The following LOXL2 variants were observed in gnomAD, a reference collection of about 807,000 sequenced individuals.
LOXL2 encodes lysyl oxidase like 2.
In LOXL2, 70 loss-of-function variants were observed where a neutral mutation model predicts 93.0. The observed-to-expected ratio is 0.75, with a 90% CI of 0.62 to 0.92. The LOEUF (loss-of-function observed/expected upper bound fraction) is 0.92. Ranked by LOEUF, LOXL2 falls within the 40% of genes least tolerant of loss-of-function variation. The pLI, the probability that LOXL2 is intolerant of heterozygous loss-of-function variation, is 0.00. For synonymous variants in LOXL2, 438 were observed against 413.2 expected (o/e 1.06, Z -0.73); for missense variants, 973 against 1,054.9 (o/e 0.92, Z 1.08).
At position 23,353,027 on chromosome 8, in the gene LOXL2, G is replaced by A. The variant is rs532825855; in HGVS notation, c.531+7063C>T. Among the ~76,000 whole-genome samples, 3 of 149,344 alleles carry A rather than the reference G, an allele frequency of 2.0e-5. No individual in the cohort carries two copies. The East Asian group carries it at 6.0e-4, about 30-fold the overall frequency. ...GGGGTGGGGAGGGGTGGAGTGGGGTGGGGTGAGGTGGGGAGGGATGGGGTG... is the reference window on the plus strand; with the variant it reads ...GGGGTGGGGAGGGGTGGAGTGGGGTAGGGTGAGGTGGGGAGGGATGGGGTG... On this transcript the variant is annotated intron_variant, in intron 3 of 13. Transcript: ENST00000389131.
chr8:23,349,313 T>C (rs1286542849), intron 3 of LOXL2, among the ~76,000 whole-genome samples: 3 of 152,210 alleles, frequency 2.0e-5, no homozygotes, highest in Non-Finnish European at 4.4e-5. Flanking sequence ...CAGATCTTCC[T>C]GGTGGTGCCT....
Position 23,304,296 on chromosome 8 carries a change from T to G in LOXL2, c.1881-899A>C, listed in dbSNP as rs969056876. Among the ~76,000 whole-genome samples, 15 of 152,342 alleles carry G rather than the reference T, an allele frequency of 9.8e-5. 1 individual carries two copies. The highest frequency in any genetic ancestry group is 3.6e-4 in the African/African-American group (15 of 41,586). ...TGCAGAGTCTTGGAACACATGCGCT[T>G]GGTTTAGAATAGCCCTTGTTTCAGA... On this transcript the variant is annotated intron_variant, in intron 10 of 13. Coordinates refer to ENST00000389131, the MANE Select transcript of LOXL2 (RefSeq NM_002318.3).
At chr8:23,343,379 A>T (rs1803917353) in intron 3 of LOXL2, among the ~76,000 whole-genome samples, 1 of 152,168 alleles carries the variant, frequency 6.6e-6, no homozygotes, top group Non-Finnish European at 1.5e-5. Context: ...AGCTGACTCC[A>T]GTTCCCTCCC....
At chr8:23,319,812 G>A (rs766077045) in intron 8 of LOXL2, 73 bp downstream of exon 8, 100 of 1,498,410 alleles carry the variant, frequency 6.7e-5, no homozygotes, top group Non-Finnish European at 9.0e-5. Context: ...CGTGGGAGAG[G>A]GGGGCTGACT....
chr8:23,393,686 C>T (rs966250230), intron 1 of LOXL2, among the ~76,000 whole-genome samples: 9 of 151,896 alleles, frequency 5.9e-5, no homozygotes, highest in South Asian at 4.1e-4. Context: ...GGAAAATATA[C>T]GTAAATTAAA....
At chr8:23,402,049 T>C (rs1015386279) in intron 1 of LOXL2, among the ~76,000 whole-genome samples, 1 of 151,222 alleles carries the variant, frequency 6.6e-6, no homozygotes, top group African/African-American at 2.4e-5. Flanking sequence ...TGCACACACA[T>C]ACACACAAGT....
At chr8:23,308,986 A>ATT (rs763862653) in intron 10 of LOXL2, among the ~76,000 whole-genome samples, 1 of 141,750 alleles carries the variant, frequency 7.1e-6, no homozygotes, top group Admixed American at 6.8e-5. Flanking sequence ...ATATATATAT[A>ATT]TATATTTTTT....
intron 1 of LOXL2, among the ~76,000 whole-genome samples, chr8:23,394,263 C>T (rs746329833): frequency 4.6e-5 from 7 of 151,762 alleles, no homozygotes; most frequent in South Asian, 2.1e-4. Flanking sequence ...TACGGTAGCG[C>T]GTGCCTGTAG....
intron 3 of LOXL2, among the ~76,000 whole-genome samples, chr8:23,343,653 T>C (rs1803923005): frequency 6.6e-6 from 1 of 152,202 alleles, no homozygotes; most frequent in Admixed American, 6.5e-5. Flanking sequence ...GTGGAAAGTA[T>C]GTGGGCCTGG....
intron 3 of LOXL2, among the ~76,000 whole-genome samples, chr8:23,357,030 C>T (rs1804212096): frequency 6.6e-6 from 1 of 152,118 alleles, no homozygotes; most frequent in East Asian, 1.9e-4. Flanking sequence ...CTCAGCCCTT[C>T]CACAGTAAGA....
chr8:23,374,592 C>T (rs1402956847), intron 1 of LOXL2, among the ~76,000 whole-genome samples: 3 of 152,170 alleles, frequency 2.0e-5, no homozygotes, highest in African/African-American at 4.8e-5. Context: ...CCTATCTCTC[C>T]ACATCCTCTC....
At chr8:23,301,808 C>T (rs1284987322) in intron 12 of LOXL2, among the ~76,000 whole-genome samples, 3 of 152,204 alleles carry the variant, frequency 2.0e-5, no homozygotes, top group Admixed American at 1.3e-4. Context: ...ATGTGAATGC[C>T]TGTGGTGTCT....
chr8:23,401,155 A>G (rs930809824), intron 1 of LOXL2, among the ~76,000 whole-genome samples: 4 of 152,174 alleles, frequency 2.6e-5, no homozygotes, highest in Admixed American at 6.5e-5. Flanking sequence ...CTGTTTATCC[A>G]TTTCCTCAGC....
At chr8:23,330,130 C>T (rs559528598) in intron 5 of LOXL2, among the ~76,000 whole-genome samples, 1 of 151,764 alleles carries the variant, frequency 6.6e-6, no homozygotes, top group Non-Finnish European at 1.5e-5. Context: ...TTGAGACCAT[C>T]CTGGCTAACA....
In LOXL2 at chr8:23,332,575, C is replaced by T. The variant is rs1344208456; in HGVS notation, c.966+826G>A. Among the ~76,000 whole-genome samples the T allele has an allele frequency of 2.4e-4, 30 of 123,100 alleles. 1 individual carries two copies. The highest frequency in any genetic ancestry group is 7.5e-4 in the African/African-American group (24 of 31,814). The allele number at this position is 123,100 out of a possible 152,430, so 80.8% of individuals were successfully genotyped here. Reference sequence around the variant, plus strand: ...ACCCACACTCATACACACACACCCACGCACACATCCCCCCCAGACACCCCT... The same window carrying T: ...ACCCACACTCATACACACACACCCATGCACACATCCCCCCCAGACACCCCT... On this transcript the variant is annotated intron_variant, in intron 5 of 13. Coordinates refer to ENST00000389131, the MANE Select transcript of LOXL2 (RefSeq NM_002318.3).
chr8:23,369,075 C>A (rs921462345), intron 1 of LOXL2, among the ~76,000 whole-genome samples: 2 of 152,150 alleles, frequency 1.3e-5, no homozygotes, highest in African/African-American at 4.8e-5. Flanking sequence ...AACATGGGGG[C>A]CGGTGGAGAA....
chr8:23,343,810 G>A (rs996427778), intron 3 of LOXL2, among the ~76,000 whole-genome samples: 6 of 152,162 alleles, frequency 3.9e-5, no homozygotes, highest in African/African-American at 1.4e-4. Flanking sequence ...CGTGGACAGG[G>A]GTGAGCCAAG....
intron 3 of LOXL2, among the ~76,000 whole-genome samples, chr8:23,347,582 G>A (rs35402428): frequency 0.29 from 43,786 of 151,868 alleles, 8,117 homozygotes; most frequent in African/African-American, 0.53. Context: ...CCCAGGAGGC[G>A]GAGTTTGCAG....
chr8:23,333,926 A>T (rs1803747486), intron 4 of LOXL2, among the ~76,000 whole-genome samples: 1 of 152,240 alleles, frequency 6.6e-6, no homozygotes, highest in Non-Finnish European at 1.5e-5. Context: ...AAGCCCAGGA[A>T]CACAGAATGC....
Sources: gnomAD v4.1 joint callset for allele counts (sites outside exome capture counted in the v4.1 genomes callset) on GRCh38, gnomAD v4.1.1 for gene constraint, MANE v1.5 for transcripts, NCBI Gene and HGNC (gene_info 2026-07-23, HGNC 2026-07-21) for gene names.